Variants in JPH3 observed in about 807,000 individuals in gnomAD.
JPH3 encodes junctophilin-3.
Under a neutral mutation model 59.6 loss-of-function variants are expected in JPH3, and 11 were observed. The observed-to-expected ratio is 0.18, with a 90% confidence interval of 0.12 to 0.31. The LOEUF is 0.31. Among genes scored for constraint, JPH3 ranks in the 10% least tolerant of loss-of-function variants. The pLI, the probability that JPH3 is intolerant of heterozygous loss-of-function variation, is 1.00. For missense variants in JPH3, 1,202 were observed against 1,105.7 expected (o/e 1.09, Z -1.24); for synonymous variants, 673 against 483.6 (o/e 1.39, Z -5.14).
chr16:87,668,280 C>T (rs2032926799), intron 2 of JPH3, among the ~76,000 whole-genome samples: 1 of 152,152 alleles, frequency 6.6e-6, no homozygotes, highest in Non-Finnish European at 1.5e-5. Flanking sequence ...GCTGCTGTCT[C>T]TTGTTTTTCG....
At chr16:87,602,428 G>C, upstream of JPH3, among the ~76,000 whole-genome samples, 1 of 104,338 alleles carries the variant, frequency 9.6e-6, no homozygotes, top group South Asian at 4.5e-4. Context: ...GCGGGGGCGG[G>C]GGCGGGGGCG....
chr16:87,639,227 G>A (rs1346080466), intron 1 of JPH3, among the ~76,000 whole-genome samples: 1 of 151,784 alleles, frequency 6.6e-6, no homozygotes, highest in Non-Finnish European at 1.5e-5. Context: ...CGTTGCAGAT[G>A]AGGAGACTGA....
At chr16:87,669,043 T>A (rs2032948663) in intron 2 of JPH3, among the ~76,000 whole-genome samples, 1 of 151,984 alleles carries the variant, frequency 6.6e-6, no homozygotes, top group Admixed American at 6.5e-5. Context: ...CACTGAGAAT[T>A]AGTAAGGAAA....
intron 1 of JPH3, among the ~76,000 whole-genome samples, chr16:87,632,643 A>G (rs1468053639): frequency 3.3e-5 from 5 of 152,188 alleles, no homozygotes; most frequent in African/African-American, 1.2e-4. Context: ...CTCTAATCCC[A>G]GCACTTTGGG....
chr16:87,638,702 C>T (rs2031840252), intron 1 of JPH3, among the ~76,000 whole-genome samples: 1 of 152,100 alleles, frequency 6.6e-6, no homozygotes, highest in Non-Finnish European at 1.5e-5. Flanking sequence ...CCAGTGTTGG[C>T]CTCTGGTCTC....
chr16:87,677,110 G>C (rs1027696108), intron 2 of JPH3, among the ~76,000 whole-genome samples: 2 of 151,214 alleles, frequency 1.3e-5, no homozygotes, highest in Admixed American at 1.3e-4. Flanking sequence ...AGTGAGCTGA[G>C]ATCGTGCCAC....
rs147484277 is a variant in JPH3 at position 87,648,977 on chromosome 16, C to T, written c.1160+3942C>T. Among the ~76,000 whole-genome samples, 530 of 152,320 alleles carry T rather than the reference C, an allele frequency of 3.5e-3. 3 individuals are homozygous for T. Among genetic ancestry groups the T allele is most frequent in the Middle Eastern group, 0.01 (3 of 294 alleles). ...GGTGTGGGTGCTGCCGCCGGGAGGC[C>T]TTGGCCCCACGGGGAGATGAGGCAT... On this transcript the variant is annotated intron_variant, in intron 2 of 4. Transcript: ENST00000284262.
chr16:87,628,442 C>T (rs569328171), intron 1 of JPH3, among the ~76,000 whole-genome samples: 9 of 152,254 alleles, frequency 5.9e-5, no homozygotes, highest in Admixed American at 2.0e-4. Context: ...GGGGCCGGAT[C>T]GTGATCAGAG....
chr16:87,666,095 T>C (rs1249010092), intron 2 of JPH3, among the ~76,000 whole-genome samples: 6 of 65,694 alleles, frequency 9.1e-5, no homozygotes, highest in African/African-American at 1.9e-4. Context: ...TTTTTTCTCT[T>C]TTTTTTTTTT....
intron 2 of JPH3, among the ~76,000 whole-genome samples, chr16:87,658,876 A>G (rs2032600494): frequency 1.3e-5 from 2 of 152,234 alleles, no homozygotes; most frequent in Non-Finnish European, 2.9e-5. Context: ...CCTCCTCTCC[A>G]AACCCAGCCA....
chr16:87,656,011 T>G (rs1005570493), intron 2 of JPH3, among the ~76,000 whole-genome samples: 4 of 152,212 alleles, frequency 2.6e-5, no homozygotes, highest in Non-Finnish European at 2.9e-5. Flanking sequence ...TGCGTGGCAG[T>G]GGAGCCTCGA....
At chr16:87,674,515 G>T (rs1465566082) in intron 2 of JPH3, among the ~76,000 whole-genome samples, 1 of 152,200 alleles carries the variant, frequency 6.6e-6, no homozygotes, top group African/African-American at 2.4e-5. Context: ...ACCCATGACA[G>T]AGTAAAAGCA....
chr16:87,679,822 C>T (rs751144999), intron 2 of JPH3, among the ~76,000 whole-genome samples: 1 of 152,258 alleles, frequency 6.6e-6, no homozygotes, highest in South Asian at 2.1e-4. Context: ...CCTCAGCACA[C>T]ATGTCATAGT....
At chr16:87,633,408 A>G (rs924141707) in intron 1 of JPH3, among the ~76,000 whole-genome samples, 2 of 151,830 alleles carry the variant, frequency 1.3e-5, no homozygotes, top group Non-Finnish European at 2.9e-5. Context: ...CAGCATATGC[A>G]TTTTGGAGAA....
intron 2 of JPH3, among the ~76,000 whole-genome samples, chr16:87,662,738 A>C (rs1195030927): frequency 6.6e-6 from 1 of 152,138 alleles, no homozygotes; most frequent in Non-Finnish European, 1.5e-5. Context: ...GCTCATCTTG[A>C]AGTTAAAATG....
intron 1 of JPH3, among the ~76,000 whole-genome samples, chr16:87,633,364 T>C (rs7206155): frequency 0.27 from 36,515 of 133,862 alleles, 4,979 homozygotes; most frequent in African/African-American, 0.38. Context: ...TCTAAGGTGG[T>C]AGAGGATGCC....
chr16:87,618,587 G>A (rs993896150), intron 1 of JPH3, among the ~76,000 whole-genome samples: 41 of 152,136 alleles, frequency 2.7e-4, no homozygotes, highest in African/African-American at 9.4e-4. Flanking sequence ...TTTTCCACCT[G>A]GCCACACTGT....
chr16:87,621,889 C>G (rs139902774), intron 1 of JPH3, among the ~76,000 whole-genome samples: 2 of 152,274 alleles, frequency 1.3e-5, no homozygotes, highest in Non-Finnish European at 2.9e-5. Flanking sequence ...GAGACCTGCA[C>G]CAAAATAATG....
At chr16:87,670,895 C>T (rs543909471) in intron 2 of JPH3, among the ~76,000 whole-genome samples, 3 of 152,250 alleles carry the variant, frequency 2.0e-5, no homozygotes, top group East Asian at 1.9e-4. Context: ...ATGGGCTTCT[C>T]GAGAGAAGTG....
Sources: allele counts gnomAD v4.1 joint callset (sites outside exome capture counted in the v4.1 genomes callset), GRCh38; gene constraint gnomAD v4.1.1; transcripts MANE v1.5; gene names NCBI Gene and HGNC (gene_info 2026-07-23, HGNC 2026-07-21).